TNN: variants seen among roughly 807,000 people sequenced by gnomAD.
TNN encodes the protein tenascin-N.
TNN carries 122 observed loss-of-function variants against 134.4 expected under a neutral mutation model. The ratio of observed to expected loss-of-function variants is 0.91; its 90% CI spans 0.78 to 1.06. TNN has a LOEUF of 1.06. TNN is among the 50% of genes least tolerant of loss of function. The probability of loss-of-function intolerance (pLI) is 0.00; values close to 1 mark genes in which losing one functional copy is unlikely to be tolerated. For missense variants in TNN, 1,739 were observed against 1,699.4 expected (o/e 1.02, Z -0.41); for synonymous variants, 710 against 670.3 (o/e 1.06, Z -0.91).
At chr1:175,125,167 C>T (rs771829737) in intron 12 of TNN, among the ~76,000 whole-genome samples, 10 of 152,164 alleles carry the variant, frequency 6.6e-5, no homozygotes, top group Non-Finnish European at 1.3e-4. Flanking sequence ...TACAGAAACT[C>T]AAAATTTGTC....
rs1453580313 is a variant in TNN, at chr1:175,108,028, G to C, written c.2120-8911G>C. Among the ~76,000 whole-genome samples, 3 of 147,736 alleles carry C rather than the reference G, an allele frequency of 2.0e-5. No homozygotes were observed. The East Asian group carries it at 6.0e-4, about 30-fold the overall frequency. ...GCACTCACAAACCTTGAGCTAAACA[G>C]AGGGTGCTGATTGGTGTATTTACAA... On this transcript the variant is annotated intron_variant, in intron 9 of 18. Transcript: ENST00000239462.
chr1:175,127,738 T>C (rs1205797416), intron 13 of TNN, among the ~76,000 whole-genome samples: 1 of 152,192 alleles, frequency 6.6e-6, no homozygotes, highest in Non-Finnish European at 1.5e-5. Context: ...AGCCCCTGTG[T>C]GTATCTGAAG....
At chr1:175,098,652 G>C in intron 9 of TNN, 57 bp downstream of exon 9, 1 of 1,606,328 alleles carries the variant, frequency 6.2e-7, no homozygotes, top group Non-Finnish European at 8.5e-7. Flanking sequence ...GTCTACATGG[G>C]GTTTTCTTCT....
At chr1:175,097,912 T>G (rs1438178721) in intron 8 of TNN, among the ~76,000 whole-genome samples, 1 of 152,196 alleles carries the variant, frequency 6.6e-6, no homozygotes, top group Non-Finnish European at 1.5e-5. Flanking sequence ...AGTCTTATAG[T>G]AACAATGCTT....
chr1:175,098,287 T>A, intron 8 of TNN, 45 bp from the exon 9 acceptor site: 1 of 1,613,480 alleles, frequency 6.2e-7, no homozygotes. Flanking sequence ...GGATATGTCT[T>A]CCATGGCTTC....
intron 1 of TNN, among the ~76,000 whole-genome samples, chr1:175,072,629 T>G (rs563077450): frequency 6.6e-6 from 1 of 152,312 alleles, no homozygotes; most frequent in African/African-American, 2.4e-5. Flanking sequence ...CGTGTTGGAG[T>G]GAGAGCCAGC....
At chr1:175,119,957 C>A (rs1029542506) in intron 11 of TNN, among the ~76,000 whole-genome samples, 1 of 152,186 alleles carries the variant, frequency 6.6e-6, no homozygotes, top group Non-Finnish European at 1.5e-5. Context: ...TCTTAAAACT[C>A]TTTCCAAAGC....
Position 175,085,477 on chromosome 1 carries a change from T to C in TNN, c.1307T>C (p.Leu436Pro), listed in dbSNP as rs1322353018. ...GGAGAGCTGGAGGGCAAGCCGATCC[T>C]CCTGAATGGCAGGACAGGTGAGAGC... Reference protein sequence around the residue: ...MRGELEGKPILLNGRTEIDSP... With the variant: ...MRGELEGKPIPLNGRTEIDSP... Residue 436 changes from leucine to proline, a missense_variant, in exon 6 of 19, where the codon CTC (leucine) becomes CCC (proline). Transcript: ENST00000239462. 1.2e-6 allele frequency: 2 copies of C among 1,611,960 alleles called. No homozygotes were observed. Among genetic ancestry groups the C allele is most frequent in the African/African-American group, 2.7e-5 (2 of 74,842 alleles).
intron 9 of TNN, among the ~76,000 whole-genome samples, chr1:175,109,647 T>C (rs1181421755): frequency 6.7e-6 from 1 of 149,864 alleles, no homozygotes; most frequent in Admixed American, 6.7e-5. Context: ...GGTATTCTGT[T>C]GTGTATGTAT....
intron 9 of TNN, among the ~76,000 whole-genome samples, chr1:175,100,296 G>A (rs1674686450): frequency 2.6e-5 from 4 of 152,208 alleles, no homozygotes; most frequent in African/African-American, 9.7e-5. Flanking sequence ...ACACTGAGTT[G>A]TGACAACCAA....
chr1:175,126,908 C>T (rs1675542128), intron 12 of TNN, 47 bp from the exon 13 acceptor site: 3 of 1,564,832 alleles, frequency 1.9e-6, no homozygotes, highest in Non-Finnish European at 2.6e-6. Flanking sequence ...ATTACCTTGC[C>T]TCAGTTGTAT....
chr1:175,123,695 T>C, intron 12 of TNN, 32 bp downstream of exon 12: 1 of 1,612,344 alleles, frequency 6.2e-7, no homozygotes, highest in Non-Finnish European at 8.5e-7. Flanking sequence ...GGGGAACACC[T>C]CACACTTATC....
At chr1:175,091,633 AG>A (rs1297255405) in intron 6 of TNN, among the ~76,000 whole-genome samples, 3 of 151,286 alleles carry the variant, frequency 2.0e-5, no homozygotes, top group Non-Finnish European at 4.4e-5. Context: ...TATGTCACCT[AG>A]GCTGGAGTGT....
intron 9 of TNN, among the ~76,000 whole-genome samples, chr1:175,107,634 G>A (rs1337951222): frequency 3.1e-3 from 366 of 118,670 alleles, no homozygotes; most frequent in South Asian, 5.6e-3. Flanking sequence ...AGTGTGGAAG[G>A]GGACCCGAGA....
At chr1:175,097,323 T>A in intron 7 of TNN, 94 bp from the exon 8 acceptor site, 1 of 1,483,616 alleles carries the variant, frequency 6.7e-7, no homozygotes, top group Non-Finnish European at 9.2e-7. Flanking sequence ...GACTCTGACA[T>A]TTGTTGAGGT....
chr1:175,137,363 A>AGTT (rs1553320238), intron 17 of TNN, among the ~76,000 whole-genome samples: 5 of 62,606 alleles, frequency 8.0e-5, no homozygotes, highest in African/African-American at 1.4e-4. Flanking sequence ...TCTGCACAGT[A>AGTT]GTGTGTGTGT....
intron 5 of TNN, 46 bp from the exon 6 acceptor site, chr1:175,085,359 G>A (rs1051055314): frequency 1.7e-6 from 2 of 1,211,276 alleles, no homozygotes; most frequent in African/African-American, 3.0e-5. Flanking sequence ...TGGGGAGAGG[G>A]GTCTGGAGCC....
intron 1 of TNN, among the ~76,000 whole-genome samples, chr1:175,074,359 C>G (rs1342723792): frequency 6.6e-6 from 1 of 152,020 alleles, no homozygotes; most frequent in Non-Finnish European, 1.5e-5. Flanking sequence ...GTGACATATA[C>G]CTGTAGTCCC....
chr1:175,072,926 C>CTG (rs1673953110), intron 1 of TNN, among the ~76,000 whole-genome samples: 1 of 46,762 alleles, frequency 2.1e-5, no homozygotes. Context: ...GAGTCCACGG[C>CTG]TTTTTTTTTT....
Sources: allele counts gnomAD v4.1 joint callset (sites outside exome capture counted in the v4.1 genomes callset), GRCh38; gene constraint gnomAD v4.1.1; transcripts MANE v1.5; gene names NCBI Gene and HGNC (gene_info 2026-07-23, HGNC 2026-07-21).